Variants in VMP1 observed in about 807,000 individuals in gnomAD.
VMP1 encodes vacuole membrane protein 1.
A neutral mutation model predicts 56.0 loss-of-function variants in VMP1; 11 were observed. The ratio of observed to expected loss-of-function variants is 0.20; its 90% CI spans 0.12 to 0.32. VMP1 has a LOEUF of 0.32. Ranked by LOEUF, VMP1 falls within the 10% of genes least tolerant of loss-of-function variation. The pLI is 1.00. For missense variants in VMP1, 296 were observed against 490.3 expected (o/e 0.60, Z 3.74); for synonymous variants, 149 against 165.0 (o/e 0.90, Z 0.74).
At chr17:59,744,423 C>T (rs1464423915) in intron 5 of VMP1, among the ~76,000 whole-genome samples, 1 of 144,306 alleles carries the variant, frequency 6.9e-6, no homozygotes, top group Non-Finnish European at 1.5e-5. Context: ...GATTCCACCA[C>T]TGCACCCCGG....
chr17:59,790,584 GT>G (rs1360729899), intron 7 of VMP1, among the ~76,000 whole-genome samples: 3 of 152,168 alleles, frequency 2.0e-5, no homozygotes, highest in Non-Finnish European at 4.4e-5. Context: ...GAGGTCAGGA[GT>G]TTGAGACTAG....
intron 10 of VMP1, among the ~76,000 whole-genome samples, chr17:59,821,987 C>T (rs2038471306): frequency 6.6e-6 from 1 of 151,928 alleles, no homozygotes; most frequent in Non-Finnish European, 1.5e-5. Flanking sequence ...GGATTACAGG[C>T]GTGCACCACC....
At chr17:59,760,186 T>TACATTGTTC (rs1196633839) in intron 5 of VMP1, among the ~76,000 whole-genome samples, 8 of 151,874 alleles carry the variant, frequency 5.3e-5, no homozygotes, top group Non-Finnish European at 1.0e-4. Context: ...TCCATTAACT[T>TACATTGTTC]ACAGGGTGAA....
chr17:59,831,361 A>G (rs2038799941), intron 10 of VMP1, among the ~76,000 whole-genome samples: 1 of 151,970 alleles, frequency 6.6e-6, no homozygotes, highest in Non-Finnish European at 1.5e-5. Flanking sequence ...TTGTAGAGAC[A>G]GGGTTCTCAC....
chr17:59,734,017 T>G (rs1330937218), intron 2 of VMP1, among the ~76,000 whole-genome samples: 11 of 152,186 alleles, frequency 7.2e-5, no homozygotes, highest in Admixed American at 7.2e-4. Flanking sequence ...TGTAATATGA[T>G]CCTAGGTTGA....
intron 5 of VMP1, among the ~76,000 whole-genome samples, chr17:59,740,617 A>G (rs2035191987): frequency 6.6e-6 from 1 of 152,216 alleles, no homozygotes; most frequent in African/African-American, 2.4e-5. Flanking sequence ...CTTTAGAATT[A>G]TGTTCATGTT....
intron 1 of VMP1, among the ~76,000 whole-genome samples, chr17:59,722,619 TC>T (rs66918474): frequency 0.014 from 2,189 of 152,288 alleles, 44 homozygotes; most frequent in African/African-American, 0.049. Context: ...GGCTAGCAGA[TC>T]GCCTGAGGTC....
At chr17:59,768,120 T>A (rs1349404819) in intron 6 of VMP1, among the ~76,000 whole-genome samples, 1 of 151,742 alleles carries the variant, frequency 6.6e-6, no homozygotes, top group Non-Finnish European at 1.5e-5. Context: ...AAAAAAAAAA[T>A]TAATTAATTT....
chr17:59,838,189 A>G (rs781634869), intron 10 of VMP1, 106 bp from the exon 11 acceptor site: 81 of 740,698 alleles, frequency 1.1e-4, no homozygotes, highest in Non-Finnish European at 1.7e-4. Context: ...TTCCTATCCA[A>G]TCCCTGCCTT....
chr17:59,716,752 A>G lies in VMP1; in HGVS notation c.-27+9004A>G, dbSNP rs1178712584. Among the ~76,000 whole-genome samples, 8 of 151,362 alleles carry G rather than the reference A, an allele frequency of 5.3e-5. No homozygotes were observed. The Admixed American group carries it at 5.3e-4, about 10-fold the overall frequency. Reference sequence around the variant, plus strand: ...TATACAAAAGTAGTTGTTATTACATACATCCAAAACTCTACCCTTGTGCTA... The same window carrying G: ...TATACAAAAGTAGTTGTTATTACATGCATCCAAAACTCTACCCTTGTGCTA... On this transcript the variant is annotated intron_variant, in intron 1 of 11. Transcript: ENST00000262291.
At chr17:59,837,090 C>T (rs1332318300) in intron 10 of VMP1, among the ~76,000 whole-genome samples, 1 of 151,796 alleles carries the variant, frequency 6.6e-6, no homozygotes, top group Admixed American at 6.6e-5. Flanking sequence ...GTAATCCCAG[C>T]TACTTGGGAG....
intron 4 of VMP1, among the ~76,000 whole-genome samples, chr17:59,737,773 A>T (rs1568050391): frequency 2.1e-5 from 3 of 145,798 alleles, no homozygotes; most frequent in African/African-American, 7.5e-5. Flanking sequence ...ACCTTCAAAG[A>T]TTTTTTTTTT....
chr17:59,768,865 A>G (rs1333699926), intron 6 of VMP1, among the ~76,000 whole-genome samples: 1 of 151,890 alleles, frequency 6.6e-6, no homozygotes, highest in Non-Finnish European at 1.5e-5. Context: ...AGGCCCCTGT[A>G]GTCCCAGCTA....
intron 10 of VMP1, 68 bp from the exon 11 acceptor site, chr17:59,838,227 T>A: frequency 7.2e-7 from 1 of 1,392,948 alleles, no homozygotes; most frequent in Admixed American, 1.8e-5. Context: ...GTACATTTTC[T>A]TTAACGTTTT....
intron 10 of VMP1, among the ~76,000 whole-genome samples, chr17:59,824,903 G>T (rs1413825552): frequency 4.0e-5 from 6 of 149,438 alleles, no homozygotes; most frequent in Admixed American, 3.4e-4. Flanking sequence ...AATTGGCTAG[G>T]CATGGTGGCT....
Position 59,775,650 on chromosome 17 carries a change from A to C in VMP1, c.714+1765A>C, listed in dbSNP as rs2036594449. On this transcript the variant is annotated intron_variant, in intron 7 of 11. Transcript: ENST00000262291. ...ACTTTCTTTTTGAATAATATTTAAC[A>C]GTTCAAACTATTCAGCAGTTCAGAC... 2.0e-5 allele frequency among the ~76,000 whole-genome samples: 3 copies of C among 152,200 alleles called. No homozygotes were observed. In the South Asian group the frequency reaches 6.2e-4, roughly 31 times the overall value.
chr17:59,805,675 G>T, intron 7 of VMP1, among the ~76,000 whole-genome samples: 1 of 147,004 alleles, frequency 6.8e-6, no homozygotes, highest in South Asian at 2.1e-4. Context: ...AAAAAAAAAA[G>T]GAAATTAATA....
intron 2 of VMP1, among the ~76,000 whole-genome samples, chr17:59,734,740 A>T (rs1308277556): frequency 6.6e-6 from 1 of 152,124 alleles, no homozygotes; most frequent in Non-Finnish European, 1.5e-5. Context: ...TCTCTTAAAA[A>T]AATAAAAATA....
chr17:59,795,826 C>T (rs1454021100), intron 7 of VMP1, among the ~76,000 whole-genome samples: 3 of 152,064 alleles, frequency 2.0e-5, no homozygotes, highest in Non-Finnish European at 4.4e-5. Flanking sequence ...TGTCTCTTGA[C>T]ATTTACTAAG....
Sources: gnomAD v4.1 joint callset for allele counts (sites outside exome capture counted in the v4.1 genomes callset) on GRCh38, gnomAD v4.1.1 for gene constraint, MANE v1.5 for transcripts, NCBI Gene and HGNC (gene_info 2026-07-23, HGNC 2026-07-21) for gene names.